Variants in MAPK6 observed in about 807,000 individuals in gnomAD.
The protein encoded by MAPK6 is ERK-3.
In MAPK6, 19 loss-of-function variants were observed where a neutral mutation model predicts 59.3. That is an observed-to-expected ratio of 0.32 (90% CI 0.22 to 0.47). The LOEUF is 0.47. Ranked by LOEUF, MAPK6 falls within the 20% of genes least tolerant of loss-of-function variation. The pLI, the probability that MAPK6 is intolerant of heterozygous loss-of-function variation, is 1.00. For missense variants in MAPK6, 724 were observed against 847.9 expected (o/e 0.85, Z 1.81); for synonymous variants, 316 against 290.3 (o/e 1.09, Z -0.90).
intron 1 of MAPK6, among the ~76,000 whole-genome samples, chr15:51,974,803 C>G (rs1241317146): frequency 6.6e-6 from 1 of 150,942 alleles, no homozygotes; most frequent in Admixed American, 6.6e-5. Flanking sequence ...CTGCAACCTC[C>G]GCCTCCCGGC....
chr15:52,064,732 T>TTAGC lies in MAPK6; in HGVS notation c.1899_1902dup (p.Arg635Ter). The TTAGC allele has an allele frequency of 6.2e-7, 1 of 1,611,838 alleles. No individual in the cohort carries two copies. Among genetic ancestry groups the TTAGC allele is most frequent in the Non-Finnish European group, 8.5e-7 (1 of 1,179,738 alleles). Reference sequence around the variant, plus strand: ...TACACTAGTTACTTGGACAAGTTCTTTAGCAGGAAAGAAGATACTGAAATG... The same window carrying TTAGC: ...TACACTAGTTACTTGGACAAGTTCTTTAGCTAGCAGGAAAGAAGATACTGAAATG... On this transcript the variant is annotated frameshift_variant, in exon 6 of 6. Coordinates refer to ENST00000261845, the MANE Select transcript of MAPK6 (RefSeq NM_002748.4). LOFTEE classifies it high-confidence loss of function.
intron 3 of MAPK6, among the ~76,000 whole-genome samples, chr15:52,004,669 G>T (rs1022179276): frequency 8.5e-5 from 13 of 152,272 alleles, no homozygotes; most frequent in African/African-American, 3.1e-4. Flanking sequence ...AGGCAGAAGG[G>T]CAAGAGTGAT....
At chr15:51,972,073 C>T (rs1007639442) in intron 1 of MAPK6, among the ~76,000 whole-genome samples, 2 of 152,058 alleles carry the variant, frequency 1.3e-5, no homozygotes, top group African/African-American at 4.8e-5. Context: ...TATCGCGAGT[C>T]AGGATTGAAG....
intron 3 of MAPK6, among the ~76,000 whole-genome samples, chr15:52,053,619 ATTG>A (rs2031860904): frequency 1.5e-5 from 2 of 131,058 alleles, no homozygotes; most frequent in African/African-American, 6.8e-5. Context: ...TGATTGATTG[ATTG>A]ATTGGTTGAT....
intron 1 of MAPK6, among the ~76,000 whole-genome samples, chr15:52,039,509 C>CTTTTTT (rs11341546): frequency 2.3e-5 from 2 of 85,878 alleles, no homozygotes; most frequent in Non-Finnish European, 4.8e-5. Context: ...AGTGTTTTGT[C>CTTTTTT]TTTTTTTTTT....
rs1422397705 is a variant in MAPK6 at position 52,065,284 on chromosome 15, T to C, written c.*284T>C. 3.6e-6 allele frequency: 1 copy of C among 274,004 alleles called. No individual in the cohort carries two copies. Among genetic ancestry groups the C allele is most frequent in the Non-Finnish European group, 6.8e-6 (1 of 146,714 alleles). The allele number at this position is 274,004 out of a possible 1,614,324, so 17.0% of individuals were successfully genotyped here. On this transcript the variant is annotated 3_prime_UTR_variant, in exon 6 of 6. Transcript: ENST00000261845. ...GACAAGAACATTCTCTCATAGAACA[T>C]TGATCTGTTTTACAGGAAACAAACC...
intron 2 of MAPK6, among the ~76,000 whole-genome samples, chr15:51,998,687 A>ATTTTTTCTTTTTTTTTTTTTTTTT (rs2057233185): frequency 2.6e-5 from 1 of 38,472 alleles, no homozygotes; most frequent in Non-Finnish European, 4.6e-5. Flanking sequence ...TGCCTGGTTA[A>ATTTTTTCTTTTTTTTTTTTTTTTT]TTTTTTTTTT....
At chr15:52,036,225 A>G (rs557786121) in intron 1 of MAPK6, among the ~76,000 whole-genome samples, 1 of 152,330 alleles carries the variant, frequency 6.6e-6, no homozygotes, top group South Asian at 2.1e-4. Context: ...GAACTGAGAC[A>G]TAAAAATGTG....
chr15:52,025,997 A>G (rs1030526860), intron 1 of MAPK6, among the ~76,000 whole-genome samples: 5 of 152,218 alleles, frequency 3.3e-5, no homozygotes, highest in Non-Finnish European at 7.3e-5. Context: ...TATGTATTAT[A>G]AAACAGTGCT....
rs568109377 is a variant in MAPK6 at position 51,980,539 on chromosome 15, T to C, written c.-879-2667T>C. On this transcript the variant is annotated intron_variant, in intron 1 of 7. Coordinates refer to the MAPK6 transcript ENST00000691380. ...ATACATCATAAACTGGGCATCACAT[T>C]AGTTGCCTCAAGTATTTTTTTGTGT... Among the ~76,000 whole-genome samples, 15 of 148,424 alleles carry C rather than the reference T, an allele frequency of 1.0e-4. No homozygotes were observed. In the South Asian group the frequency reaches 3.1e-3, roughly 30 times the overall value.
At chr15:52,031,171 G>A (rs150114858) in intron 1 of MAPK6, among the ~76,000 whole-genome samples, 8 of 152,224 alleles carry the variant, frequency 5.3e-5, no homozygotes, top group Admixed American at 1.3e-4. Context: ...CACTTGAAGT[G>A]ATCCGCCCAC....
At chr15:52,050,213 T>A in intron 3 of MAPK6, 76 bp downstream of exon 3, 3 of 1,279,596 alleles carry the variant, frequency 2.3e-6, no homozygotes, top group Admixed American at 2.4e-5. Context: ...AAGATTCATA[T>A]AAGATTTAAA....
At chr15:51,980,410 G>A (rs1192312859) in intron 1 of MAPK6, among the ~76,000 whole-genome samples, 1 of 150,374 alleles carries the variant, frequency 6.7e-6, no homozygotes, top group Non-Finnish European at 1.5e-5. Flanking sequence ...TTTCCACAAT[G>A]AACATGTATT....
chr15:51,988,656 C>T (rs866838932), intron 2 of MAPK6, among the ~76,000 whole-genome samples: 2 of 151,714 alleles, frequency 1.3e-5, no homozygotes, highest in African/African-American at 2.4e-5. Context: ...TGCTTGAACC[C>T]GGGAGGCAGA....
chr15:52,016,090 A>G (rs2030254196), upstream of MAPK6, among the ~76,000 whole-genome samples: 2 of 139,242 alleles, frequency 1.4e-5, no homozygotes, highest in African/African-American at 2.7e-5. Flanking sequence ...ACACACACAC[A>G]CACACACACA....
chr15:52,064,686 C>T lies in MAPK6; in HGVS notation c.1852C>T (p.Gln618Ter). ...NQFCEVRKDE[Q>*]VEKENTYTSY... ...GTTTTGTGAGGTAAGGAAGGATGAA[C>T]AAGTTGAGAAGGAAAACACTTACAC... Residue 618 changes from glutamine to a stop codon, truncating the protein, a stop_gained, in exon 6 of 6, where the codon CAA becomes TAA. Coordinates refer to ENST00000261845, the MANE Select transcript of MAPK6 (RefSeq NM_002748.4). LOFTEE classifies it high-confidence loss of function. 6.2e-7 allele frequency: 1 copy of T among 1,611,802 alleles called. No homozygotes were observed. The highest frequency in any genetic ancestry group is 8.5e-7 in the Non-Finnish European group (1 of 1,179,796).
At chr15:51,973,621 A>T (rs1431014659) in intron 1 of MAPK6, among the ~76,000 whole-genome samples, 1 of 149,000 alleles carries the variant, frequency 6.7e-6, no homozygotes, top group Non-Finnish European at 1.5e-5. Flanking sequence ...ATCACTTCTG[A>T]CTCTTGGACA....
intron 2 of MAPK6, among the ~76,000 whole-genome samples, chr15:52,003,080 A>C (rs1051927254): frequency 6.6e-6 from 1 of 151,996 alleles, no homozygotes; most frequent in Non-Finnish European, 1.5e-5. Flanking sequence ...CCAGCTACTC[A>C]GGAGGCTGAG....
At chr15:52,021,608 A>G (rs2030532430) in intron 1 of MAPK6, 1 of 152,182 alleles carries the variant, frequency 6.6e-6, no homozygotes, top group Non-Finnish European at 1.5e-5. Context: ...AATGTTTGAT[A>G]CTAGCAGTTT....
Sources: allele counts gnomAD v4.1 joint callset (sites outside exome capture counted in the v4.1 genomes callset), GRCh38; gene constraint gnomAD v4.1.1; transcripts MANE v1.5; gene names NCBI Gene and HGNC (gene_info 2026-07-23, HGNC 2026-07-21).